AGRN: variants seen among roughly 807,000 people sequenced by gnomAD.
AGRN encodes agrin proteoglycan.
AGRN carries 106 observed loss-of-function variants against 211.0 expected under a neutral mutation model. The ratio of observed to expected loss-of-function variants is 0.50; its 90% CI spans 0.43 to 0.59. The LOEUF (loss-of-function observed/expected upper bound fraction) is 0.59, where lower values mean the gene tolerates loss of function less well. Ranked by LOEUF, AGRN falls within the 20% of genes least tolerant of loss-of-function variation. The pLI is 0.00. For missense variants in AGRN, 3,040 were observed against 2,982.6 expected, an observed-to-expected ratio of 1.02 and a Z score of -0.45; for synonymous variants, 1,525 against 1,332.5, an observed-to-expected ratio of 1.14 and a Z score of -3.15.
intron 1 of AGRN, among the ~76,000 whole-genome samples, chr1:1,021,669 G>A (rs1033937907): frequency 6.6e-6 from 1 of 152,234 alleles, no homozygotes; most frequent in African/African-American, 2.4e-5. Context: ...TGGAGGGTGG[G>A]GCACCCTGCA....
intron 33 of AGRN, chr1:1,052,368 C>T (rs1645321703): frequency 5.9e-6 from 2 of 340,046 alleles, no homozygotes; most frequent in Admixed American, 4.2e-5. Flanking sequence ...TGTGAATATC[C>T]AGCTGTGTGT....
At chr1:1,033,987 C>A (rs1401409327) in intron 2 of AGRN, 4 of 407,242 alleles carry the variant, frequency 9.8e-6, no homozygotes, top group Non-Finnish European at 1.3e-5. Context: ...GGCGTCTTCG[C>A]CCCTCACTCA....
chr1:1,035,370 T>C (rs202071134), intron 3 of AGRN, 46 bp downstream of exon 3: 2 of 1,608,384 alleles, frequency 1.2e-6, no homozygotes, highest in Non-Finnish European at 1.7e-6. Flanking sequence ...TGTGGCACTC[T>C]TGGGAGTCAG....
At chr1:1,044,282 G>A (rs551326689) in intron 11 of AGRN, 25 bp downstream of exon 11, 41 of 1,612,440 alleles carry the variant, frequency 2.5e-5, no homozygotes, top group East Asian at 6.7e-5. Flanking sequence ...CCTGGCTCTC[G>A]GCGGGCGGCG....
chr1:1,032,294 G>C lies in AGRN; in HGVS notation c.464-2983G>C, dbSNP rs1415006519. ...TGTGGAGGCCTCCTGTCTGGGTGAT[G>C]GGGCATGGTGCTGGTCCCTGGCTGT... On this transcript the variant is annotated intron_variant, in intron 2 of 35. Transcript: ENST00000379370. The surrounding 1 kb of genome is among the most constrained non-coding windows in gnomAD (Gnocchi z 4.7). 6.6e-6 allele frequency among the ~76,000 whole-genome samples: 1 copy of C among 152,190 alleles called. No homozygotes were observed. The highest frequency in any genetic ancestry group is 1.9e-4 in the East Asian group (1 of 5,204).
intron 3 of AGRN, among the ~76,000 whole-genome samples, chr1:1,038,394 A>G (rs895540420): frequency 1.3e-5 from 2 of 152,108 alleles, no homozygotes; most frequent in African/African-American, 2.4e-5. Context: ...TCCCTAAGGT[A>G]CCTCTAGGCT....
rs1337494656 is a variant in AGRN at position 1,048,208 on chromosome 1, C to T, written c.3948C>T (p.Ser1316=). 8.0e-5 allele frequency: 125 copies of T among 1,556,484 alleles called. No individual in the cohort carries two copies. The highest frequency in any genetic ancestry group is 1.0e-4 in the Non-Finnish European group (121 of 1,152,576). ...GTCGGCCCCCCACCACTGCCCCCAG[C>T]CGTGTGCCCGGACGTCGGCCCCCGG... is the stretch of plus-strand genomic sequence containing the variant. The part of the protein sequence containing the change: ...TTRRPPTTAP[S]RVPGRRPPAP... The change falls in exon 23 of 36, where the codon AGC becomes AGT. Residue 1316 remains serine, a synonymous_variant. Coordinates refer to ENST00000379370, the MANE Select transcript of AGRN (RefSeq NM_198576.4). This position sits in a 1 kb window ranked among gnomAD's most constrained non-coding sequence, Gnocchi z 5.9.
rs373114285 is a variant in AGRN at position 1,041,680 on chromosome 1, C to T, written c.1155C>T (p.Arg385=). ...GGGGTCTCCTCCTGCAGAAAGTGCG[C>T]TCCGGCCAGTGCCAGGGTCGAGGTG... ...AARGLLLQKV[R]SGQCQGRDQC... Residue 385 remains arginine (R), a synonymous_variant, in exon 6 of 36, where the codon CGC becomes CGT. Transcript: ENST00000379370. The T allele has an allele frequency of 3.3e-5, 53 of 1,608,036 alleles. No individual in the cohort carries two copies. The highest frequency in any genetic ancestry group is 4.2e-5 in the Non-Finnish European group (50 of 1,177,104).
chr1:1,035,054 C>G (rs1370636907), intron 2 of AGRN: 2 of 635,222 alleles, frequency 3.1e-6, no homozygotes, highest in Non-Finnish European at 5.6e-6. Flanking sequence ...AGGGGTCAGG[C>G]CATGACTATT....
chr1:1,038,393 T>A lies in AGRN; in HGVS notation c.512-2272T>A, dbSNP rs576932143. ...GGTCACTCAGAGCCTGTCCCTAAGG[T>A]ACCTCTAGGCTCCCATCCCAGAGCT... On this transcript the variant is annotated intron_variant, in intron 3 of 35. Coordinates refer to ENST00000379370, the MANE Select transcript of AGRN (RefSeq NM_198576.4). Among the ~76,000 whole-genome samples, 155 of 152,330 alleles carry A rather than the reference T, an allele frequency of 1.0e-3. 1 individual carries two copies. Among genetic ancestry groups the A allele is most frequent in the Non-Finnish European group, 1.9e-3 (128 of 68,018 alleles).
In AGRN at chr1:1,031,205, T is replaced by C. The variant is rs916096193; in HGVS notation, c.464-4072T>C. ...GTGCTGAGTGTGAGATCAGCATGTG[T>C]GTGTGCAGTGCATGGTGCTGTGAGT... is the stretch of plus-strand genomic sequence containing the variant. On this transcript the variant is annotated intron_variant, in intron 2 of 35. Transcript: ENST00000379370. This position sits in a 1 kb window ranked among gnomAD's most constrained non-coding sequence, Gnocchi z 4.8. Among the ~76,000 whole-genome samples, 1 of 147,200 alleles carries C rather than the reference T, an allele frequency of 6.8e-6. No homozygotes were observed. The highest frequency in any genetic ancestry group is 2.5e-5 in the African/African-American group (1 of 39,294).
intron 1 of AGRN, among the ~76,000 whole-genome samples, chr1:1,021,361 T>C (rs765612663): frequency 6.6e-6 from 1 of 152,186 alleles, no homozygotes; most frequent in Non-Finnish European, 1.5e-5. Flanking sequence ...TGGAGCCTAC[T>C]GTTGGGGGGC....
In AGRN at chr1:1,020,148, T is replaced by C; in HGVS notation, c.-25T>C. On this transcript the variant is annotated 5_prime_UTR_variant, in exon 1 of 36. Transcript: ENST00000379370. ...CCCGTCCCCGGCGCGGCCCGCGCGC[T>C]CCTCCGCCGCCTCTCGCCTGCGCCA... 8.5e-7 allele frequency: 1 copy of C among 1,181,744 alleles called. No homozygotes were observed. The highest frequency in any genetic ancestry group is 1.1e-6 in the Non-Finnish European group (1 of 937,772). The allele number at this position is 1,181,744 out of a possible 1,614,324, so 73.2% of individuals were successfully genotyped here. A position where few individuals can be genotyped will look rare whatever the true frequency, so the allele number is the denominator to read the frequency against.
intron 2 of AGRN, among the ~76,000 whole-genome samples, chr1:1,023,008 G>A (rs1263756082): frequency 6.6e-6 from 1 of 152,246 alleles, no homozygotes; most frequent in Non-Finnish European, 1.5e-5. Flanking sequence ...ACCCCAGCCT[G>A]GTGGGGGCAG....
chr1:1,042,269 G>T (rs1644966394), intron 7 of AGRN, 107 bp downstream of exon 7: 21 of 1,341,622 alleles, frequency 1.6e-5, no homozygotes, highest in Non-Finnish European at 2.1e-5. Flanking sequence ...TGGGGTCCTG[G>T]GAGTGGGCCG....
rs1267085294 is a variant in AGRN at position 1,041,468 on chromosome 1, C to G, written c.953-10C>G. On this transcript the variant is annotated splice_polypyrimidine_tract_variant and intron_variant, in intron 5 of 35. Transcript: ENST00000379370. ...GCGACAGCGTCCTGACTCCTGCCCT[C>G]GACCCCCAGACCCCTGTCAGGGCGC... The G allele has an allele frequency of 2.5e-6, 4 of 1,585,436 alleles. No homozygotes were observed. Among genetic ancestry groups the G allele is most frequent in the Non-Finnish European group, 3.4e-6 (4 of 1,173,372 alleles).
At chr1:1,035,181 G>A (rs77767179) in intron 2 of AGRN, 96 bp from the exon 3 acceptor site, 8 of 1,064,182 alleles carry the variant, frequency 7.5e-6, no homozygotes, top group East Asian at 3.0e-5. Context: ...GGGGGGGGGG[G>A]GTGGGCAGGG....
Position 1,049,589 on chromosome 1 carries a change from G to A in AGRN, c.4538G>A (p.Gly1513Asp). The A allele has an allele frequency of 6.3e-7, 1 of 1,590,222 alleles. No individual in the cohort carries two copies. Among genetic ancestry groups the A allele is most frequent in the South Asian group, 1.1e-5 (1 of 88,008 alleles). ...AAVALERTFV[G>D]AGLRGCIRLL... ...AGGGCGCTGGAGCGGACCTTCGTGG[G>A]CGCCGGCCTGAGGGGGTGCATCCGT... Residue 1513 changes from glycine (G) to aspartate (D), a missense_variant, in exon 26 of 36, where the codon GGC (glycine) becomes GAC (aspartate). By Grantham distance (94) the Gly-to-Asp change is moderately conservative. Around this residue, in one of 3 missense-constraint regions of AGRN, gnomAD observed 1,537 missense variants for 1,505.0 expected, o/e 1.02. Coordinates refer to ENST00000379370, the MANE Select transcript of AGRN (RefSeq NM_198576.4).
chr1:1,050,898 A>C, intron 30 of AGRN, 61 bp downstream of exon 30: 1 of 1,518,580 alleles, frequency 6.6e-7, no homozygotes, highest in East Asian at 2.5e-5. Flanking sequence ...CTCGGGCGGC[A>C]GCCCCGCCCC....
Sources: gnomAD v4.1 joint callset for allele counts (sites outside exome capture counted in the v4.1 genomes callset) on GRCh38, gnomAD v4.1.1 for gene constraint, gnomAD v4.1.1 regional missense constraint, Gnocchi (gnomAD v3.1) non-coding constraint, MANE v1.5 for transcripts, NCBI Gene and HGNC (gene_info 2026-07-23, HGNC 2026-07-21) for gene names.